The following POM121 variants were observed in gnomAD, a reference collection of about 807,000 sequenced individuals.
POM121 encodes the protein nuclear envelope pore membrane protein POM 121.
Under a neutral mutation model 81.3 loss-of-function variants are expected in POM121, and 32 were observed. The observed-to-expected ratio is 0.39, with a 90% CI of 0.30 to 0.53. POM121 has a LOEUF of 0.53. Ranked by LOEUF, POM121 falls within the 20% of genes least tolerant of loss-of-function variation. POM121 has a pLI of 0.66. For synonymous variants in POM121, 514 were observed against 694.2 expected (o/e 0.74, Z 4.08); for missense variants, 1,138 against 1,614.6 (o/e 0.70, Z 5.06).
downstream of POM121, chr7:72,949,908 C>A: frequency 6.2e-7 from 1 of 1,611,830 alleles, no homozygotes; most frequent in Non-Finnish European, 8.5e-7. Flanking sequence ...GCACAGGCAT[C>A]CATGACATGG....
Position 72,911,199 on chromosome 7 carries a change from G to C in POM121, c.-215-2566G>C, listed in dbSNP as rs1793769665. 3.3e-5 allele frequency among the ~76,000 whole-genome samples: 5 copies of C among 152,320 alleles called. No individual in the cohort carries two copies. The South Asian group carries it at 1.0e-3, about 32-fold the overall frequency. On this transcript the variant is annotated intron_variant, in intron 3 of 15. Coordinates refer to the POM121 transcript ENST00000395270. ...GAGTTTCACCATTTTGGCCAGGCTG[G>C]TCTCAAACTCCTGACCTCAGGTGAT... is the stretch of plus-strand genomic sequence containing the variant.
At chr7:72,936,491 A>G (rs1796520968) in intron 5 of POM121, among the ~76,000 whole-genome samples, 1 of 150,742 alleles carries the variant, frequency 6.6e-6, no homozygotes, top group South Asian at 2.1e-4. Flanking sequence ...GTTAGCCAGG[A>G]TGGTCTCAAT....
chr7:72,921,821 AT>A (rs1422484567), upstream of POM121, among the ~76,000 whole-genome samples: 1 of 152,182 alleles, frequency 6.6e-6, no homozygotes, highest in Non-Finnish European at 1.5e-5. Flanking sequence ...TATATGAATT[AT>A]ACCAGTTTGC....
At chr7:72,891,992 C>G (rs1791344433) in intron 3 of POM121, among the ~76,000 whole-genome samples, 1 of 152,198 alleles carries the variant, frequency 6.6e-6, no homozygotes, top group Admixed American at 6.5e-5. Flanking sequence ...GCTTTCCCCT[C>G]TTTCCCCAAT....
intron 4 of POM121, among the ~76,000 whole-genome samples, chr7:72,914,533 G>A (rs1459983220): frequency 6.9e-6 from 1 of 143,896 alleles, no homozygotes; most frequent in African/African-American, 2.7e-5. Context: ...ATAGGGTCTC[G>A]CTGTAGAGAT....
upstream of POM121, chr7:72,924,930 C>T: frequency 9.6e-7 from 1 of 1,038,944 alleles, no homozygotes; most frequent in Non-Finnish European, 1.3e-6. Flanking sequence ...GGGAGCCACG[C>T]GGAAAACCTC....
intron 1 of POM121, among the ~76,000 whole-genome samples, chr7:72,890,173 G>A (rs1586069922): frequency 2.0e-5 from 3 of 152,102 alleles, no homozygotes; most frequent in African/African-American, 4.8e-5. Context: ...CTGAAACTAG[G>A]TGAGAGCCCC....
chr7:72,909,206 G>A (rs1554493902), intron 3 of POM121, among the ~76,000 whole-genome samples: 1 of 152,198 alleles, frequency 6.6e-6, no homozygotes, highest in East Asian at 1.9e-4. Context: ...CTGCAACACA[G>A]TGAGACTTTA....
intron 5 of POM121, among the ~76,000 whole-genome samples, chr7:72,932,915 G>C (rs1796159175): frequency 6.6e-6 from 1 of 151,786 alleles, no homozygotes; most frequent in South Asian, 2.1e-4. Flanking sequence ...AGCTGGGCAT[G>C]GTGGCACATG....
At chr7:72,905,239 A>G (rs1384163909) in intron 3 of POM121, among the ~76,000 whole-genome samples, 3 of 152,150 alleles carry the variant, frequency 2.0e-5, no homozygotes, top group African/African-American at 4.8e-5. Context: ...ATAATTCAAT[A>G]TGTTTTCCAG....
intron 1 of POM121, among the ~76,000 whole-genome samples, chr7:72,885,065 C>T (rs1256693615): frequency 7.2e-5 from 11 of 152,118 alleles, no homozygotes; most frequent in East Asian, 3.8e-4. Context: ...CTGTTTAATA[C>T]GGATTTGTTC....
upstream of POM121, chr7:72,924,443 T>C (rs1795144661): frequency 6.6e-6 from 1 of 152,224 alleles, no homozygotes; most frequent in African/African-American, 2.4e-5. Flanking sequence ...TTTATTAAGA[T>C]ATAATTCACA....
Position 72,947,923 on chromosome 7 carries a change from C to G in POM121, c.*1689C>G, listed in dbSNP as rs1445943207. Reference sequence around the variant, plus strand: ...CACCCCTCAGAACAGCTCTGATCCTCGTTAATACCTGGCTGCGTGTGCAGC... The same window carrying G: ...CACCCCTCAGAACAGCTCTGATCCTGGTTAATACCTGGCTGCGTGTGCAGC... On this transcript the variant is annotated 3_prime_UTR_variant, in exon 13 of 13. Transcript: ENST00000434423. 9.7e-7 allele frequency: 1 copy of G among 1,032,732 alleles called. No individual in the cohort carries two copies. Among genetic ancestry groups the G allele is most frequent in the African/African-American group, 1.7e-5 (1 of 58,682 alleles). 64.0% of individuals were successfully genotyped at this position (1,032,732 alleles called of 1,614,324 possible).
intron 3 of POM121, among the ~76,000 whole-genome samples, chr7:72,903,552 C>G (rs1792924272): frequency 6.6e-6 from 1 of 152,210 alleles, no homozygotes; most frequent in South Asian, 2.1e-4. Flanking sequence ...TGTTCAGTGA[C>G]TTTCTAAACC....
chr7:72,918,138 G>A (rs782509248), intron 4 of POM121, among the ~76,000 whole-genome samples: 1 of 152,228 alleles, frequency 6.6e-6, no homozygotes, highest in Non-Finnish European at 1.5e-5. Context: ...CTGAAGTACA[G>A]CATCACGGAG....
rs549644295 is a variant in POM121 at position 72,946,821 on chromosome 7, G to C, written c.*587G>C. 3 of 897,820 alleles carry C rather than the reference G, an allele frequency of 3.3e-6. No individual in the cohort carries two copies. The highest frequency in any genetic ancestry group is 2.5e-4 in the East Asian group (2 of 7,946). 55.6% of individuals were successfully genotyped at this position (897,820 alleles called of 1,614,324 possible). A position where few individuals can be genotyped will look rare whatever the true frequency, so the allele number is the denominator to read the frequency against. On this transcript the variant is annotated 3_prime_UTR_variant, in exon 13 of 13. Coordinates refer to ENST00000434423, the MANE Select transcript of POM121 (RefSeq NM_001387691.1). ...TGCCCTTGAATCTAGCTTTGCCTTG[G>C]AGACCCCAGTGGGTGCTGCTCCTGC...
At chr7:72,925,067 G>T, upstream of POM121, 1 of 1,357,144 alleles carries the variant, frequency 7.4e-7, no homozygotes, top group Non-Finnish European at 9.4e-7. Flanking sequence ...ATGACGCGAC[G>T]CGCGGCGCGG....
Position 72,943,147 on chromosome 7 carries a change from A to C in POM121, c.3154A>C (p.Ser1052Arg), listed in dbSNP as rs781789934. ...ATASAFGAPA[S>R]SQPAFGGSTA... Reference sequence around the variant, plus strand: ...GGCTTCGGCCTTCGGCGCTCCCGCCAGCTCACAGCCCGCCTTTGGCGGCTC... The same window carrying C: ...GGCTTCGGCCTTCGGCGCTCCCGCCCGCTCACAGCCCGCCTTTGGCGGCTC... The change falls in exon 11 of 13, where the codon AGC becomes CGC. Residue 1052 changes from serine (S) to arginine (R), a missense_variant. This residue lies in a region of POM121 where 336 missense variants were observed against 344.3 expected (regional missense o/e 0.98). Coordinates refer to ENST00000434423, the MANE Select transcript of POM121 (RefSeq NM_001387691.1). The C allele has an allele frequency of 6.2e-7, 1 of 1,613,382 alleles. No homozygotes were observed. The highest frequency in any genetic ancestry group is 8.5e-7 in the Non-Finnish European group (1 of 1,179,730).
At chr7:72,943,662 G>A (rs1797368837) in intron 11 of POM121, 140 bp downstream of exon 11, 5 of 1,427,030 alleles carry the variant, frequency 3.5e-6, no homozygotes, top group Non-Finnish European at 4.6e-6. Context: ...GCCAGGGAAC[G>A]ATACATGTTT....
Sources: gnomAD v4.1 joint callset for allele counts (sites outside exome capture counted in the v4.1 genomes callset) on GRCh38, gnomAD v4.1.1 for gene constraint, gnomAD v4.1.1 regional missense constraint, MANE v1.5 for transcripts, NCBI Gene and HGNC (gene_info 2026-07-23, HGNC 2026-07-21) for gene names.